Variants in IL1RL2 observed in about 807,000 individuals in gnomAD.
The protein encoded by IL1RL2 is interleukin 1 receptor like 2.
A neutral mutation model predicts 66.8 loss-of-function variants in IL1RL2; 68 were observed. That is an observed-to-expected ratio of 1.02 (90% CI 0.84 to 1.25). The LOEUF (loss-of-function observed/expected upper bound fraction) is 1.25, where lower values mean the gene tolerates loss of function less well. Ranked by LOEUF, IL1RL2 falls within the 50% of genes most tolerant of loss-of-function variation. The pLI, the probability that IL1RL2 is intolerant of heterozygous loss-of-function variation, is 0.00. For missense variants in IL1RL2, 729 were observed against 709.3 expected, an observed-to-expected ratio of 1.03 and a Z score of -0.32; for synonymous variants, 305 against 264.6, an observed-to-expected ratio of 1.15 and a Z score of -1.48.
chr2:102,219,068 C>A lies in IL1RL2; in HGVS notation c.840C>A (p.Ile280=). 6.2e-7 allele frequency: 1 copy of A among 1,613,830 alleles called. No homozygotes were observed. The highest frequency in any genetic ancestry group is 8.5e-7 in the Non-Finnish European group (1 of 1,179,804). The change falls in exon 7 of 12, where the codon ATC becomes ATA. Residue 280 remains isoleucine (I), a synonymous_variant. Coordinates refer to ENST00000264257, the MANE Select transcript of IL1RL2 (RefSeq NM_003854.4). The part of the protein sequence containing the change: ...VDDYYDESKR[I]REGVETHVSF... ...ATTACTATGATGAATCCAAACGAAT[C>A]AGAGAAGGGGTGGAGTAGGTGTTTT...
chr2:102,206,867 C>T (rs900809491), intron 5 of IL1RL2, among the ~76,000 whole-genome samples: 7 of 152,220 alleles, frequency 4.6e-5, no homozygotes, highest in African/African-American at 1.7e-4. Context: ...TCCAGAGGTG[C>T]CATCTAGGAG....
intron 7 of IL1RL2, among the ~76,000 whole-genome samples, chr2:102,219,666 C>T (rs577958003): frequency 2.0e-5 from 3 of 152,104 alleles, no homozygotes; most frequent in East Asian, 3.9e-4. Context: ...CTGTAGCTAA[C>T]AGAACCATAC....
rs1675174872 is a variant in IL1RL2 at position 102,239,834 on chromosome 2, A to G, written c.*593A>G. On this transcript the variant is annotated 3_prime_UTR_variant, in exon 12 of 12. Coordinates refer to ENST00000264257, the MANE Select transcript of IL1RL2 (RefSeq NM_003854.4). ...GGGGGATCACCTGTCATGGTGGGTG[A>G]GAGTTGGGATTCATCCCCATGTCAT... 6.5e-6 allele frequency: 1 copy of G among 154,848 alleles called. No individual in the cohort carries two copies. Among genetic ancestry groups the G allele is most frequent in the African/African-American group, 2.4e-5 (1 of 41,330 alleles). 9.6% of individuals were successfully genotyped at this position (154,848 alleles called of 1,614,324 possible).
At position 102,187,056 on chromosome 2, in the gene IL1RL2, G is replaced by C; in HGVS notation, c.-43G>C. Reference sequence around the variant, plus strand: ...CCCTGTCATATTTTCCACTCTCCACGAGGTCCTGCGCGCTTCAATCCTGCA... The same window carrying C: ...CCCTGTCATATTTTCCACTCTCCACCAGGTCCTGCGCGCTTCAATCCTGCA... On this transcript the variant is annotated 5_prime_UTR_variant, in exon 1 of 12. Coordinates refer to ENST00000264257, the MANE Select transcript of IL1RL2 (RefSeq NM_003854.4). The C allele has an allele frequency of 7.8e-7, 1 of 1,289,870 alleles. No individual in the cohort carries two copies. Among genetic ancestry groups the C allele is most frequent in the Non-Finnish European group, 1.0e-6 (1 of 988,870 alleles). The allele number at this position is 1,289,870 out of a possible 1,614,324, so 79.9% of individuals were successfully genotyped here.
chr2:102,196,158 A>G (rs1687766620), intron 4 of IL1RL2, among the ~76,000 whole-genome samples: 1 of 152,182 alleles, frequency 6.6e-6, no homozygotes, highest in Non-Finnish European at 1.5e-5. Context: ...TATGACTAGC[A>G]ATCCTAAGTG....
intron 2 of IL1RL2, 98 bp downstream of exon 2, chr2:102,188,023 G>C (rs930936992): frequency 8.2e-7 from 1 of 1,220,286 alleles, no homozygotes; most frequent in Non-Finnish European, 1.2e-6. Flanking sequence ...GCCCGAGCGC[G>C]GCTCCTTCCC....
chr2:102,203,827 G>A (rs1688474954), intron 5 of IL1RL2, among the ~76,000 whole-genome samples: 1 of 151,576 alleles, frequency 6.6e-6, no homozygotes, highest in African/African-American at 2.4e-5. Flanking sequence ...CTGGCTAAAG[G>A]TTTGTCAATT....
At chr2:102,199,559 T>G (rs564998286) in intron 4 of IL1RL2, among the ~76,000 whole-genome samples, 15 of 152,346 alleles carry the variant, frequency 9.8e-5, no homozygotes, top group African/African-American at 3.6e-4. Flanking sequence ...TAGTGAGACA[T>G]TACCCTAAAG....
intron 10 of IL1RL2, among the ~76,000 whole-genome samples, chr2:102,233,810 G>C (rs779109935): frequency 6.6e-6 from 1 of 152,086 alleles, no homozygotes; most frequent in African/African-American, 2.4e-5. Context: ...CTGTCCCTTT[G>C]TTCTCCTTCT....
intron 11 of IL1RL2, among the ~76,000 whole-genome samples, chr2:102,237,568 G>A (rs951121168): frequency 7.9e-5 from 12 of 152,144 alleles, no homozygotes; most frequent in African/African-American, 2.9e-4. Flanking sequence ...TGCAATAGGA[G>A]AAACAGCCTG....
At chr2:102,218,618 G>C (rs1216235130) in intron 6 of IL1RL2, among the ~76,000 whole-genome samples, 4 of 152,142 alleles carry the variant, frequency 2.6e-5, no homozygotes, top group Non-Finnish European at 4.4e-5. Flanking sequence ...TTGTTTTGAA[G>C]ATTCAAAGAC....
intron 4 of IL1RL2, among the ~76,000 whole-genome samples, chr2:102,194,758 T>A (rs544531366): frequency 2.3e-4 from 35 of 152,004 alleles, no homozygotes; most frequent in African/African-American, 7.2e-4. Context: ...CTTGTGAAAA[T>A]TTTTTTTGAG....
chr2:102,235,138 G>A lies in IL1RL2; in HGVS notation c.1539G>A (p.Trp513Ter). 1 of 1,614,222 alleles carries A rather than the reference G, an allele frequency of 6.2e-7. No homozygotes were observed. The highest frequency in any genetic ancestry group is 2.2e-5 in the East Asian group (1 of 44,880). The change falls in exon 11 of 12, where the codon TGG becomes TGA. Residue 513 changes from tryptophan (W) to a stop codon, truncating the protein, a stop_gained. Coordinates refer to ENST00000264257, the MANE Select transcript of IL1RL2 (RefSeq NM_003854.4). LOFTEE classifies it high-confidence loss of function. ...YIKQKHGAIR[W>*]HGDFTEQSQC... The stretch of plus-strand genomic sequence containing the variant: ...AACAGAAGCATGGTGCCATCCGGTG[G>A]CATGGGGACTTCACGGAGCAGTCAC...
At chr2:102,189,622 C>A (rs908817119) in intron 3 of IL1RL2, among the ~76,000 whole-genome samples, 7 of 150,702 alleles carry the variant, frequency 4.6e-5, no homozygotes, top group East Asian at 3.9e-4. Flanking sequence ...TTTTATTTTT[C>A]TTTTTTATTT....
chr2:102,221,940 A>G (rs1319179181), intron 8 of IL1RL2, among the ~76,000 whole-genome samples: 1 of 152,240 alleles, frequency 6.6e-6, no homozygotes, highest in Non-Finnish European at 1.5e-5. Context: ...GTCATTGTAT[A>G]GCAAACACTC....
chr2:102,189,350 A>G (rs1192533635), intron 3 of IL1RL2, 40 bp downstream of exon 3: 2 of 1,212,182 alleles, frequency 1.6e-6, no homozygotes, highest in Admixed American at 4.6e-5. Context: ...TCGTGTGTGT[A>G]TGTATAAATT....
At chr2:102,230,344 A>G (rs1433014235) in intron 9 of IL1RL2, among the ~76,000 whole-genome samples, 1 of 152,234 alleles carries the variant, frequency 6.6e-6, no homozygotes, top group African/African-American at 2.4e-5. Flanking sequence ...GTATCCACTT[A>G]TTTGAGCGGT....
At chr2:102,235,880 G>A (rs1674833878) in intron 11 of IL1RL2, 1 of 985,312 alleles carries the variant, frequency 1.0e-6, no homozygotes, top group Non-Finnish European at 1.2e-6. Flanking sequence ...AGACCAGTGG[G>A]GACCCACGGG....
downstream of IL1RL2, among the ~76,000 whole-genome samples, chr2:102,241,054 C>G (rs113261285): frequency 1.3e-4 from 20 of 152,358 alleles, 1 homozygote; most frequent in African/African-American, 4.6e-4. Context: ...CACAGAGCCC[C>G]GTTCAGGCTG....
Sources: allele counts gnomAD v4.1 joint callset (sites outside exome capture counted in the v4.1 genomes callset), GRCh38; gene constraint gnomAD v4.1.1; transcripts MANE v1.5; gene names NCBI Gene and HGNC (gene_info 2026-07-23, HGNC 2026-07-21).